RBFOX1: variants seen among roughly 807,000 people sequenced by gnomAD.
RBFOX1 encodes the protein RNA binding fox-1 homolog 1.
RBFOX1 carries 8 observed loss-of-function variants against 57.7 expected under a neutral mutation model. The observed-to-expected ratio is 0.14, with a 90% CI of 0.08 to 0.25. The LOEUF is 0.25. RBFOX1 is among the 10% of genes least tolerant of loss of function. The pLI, the probability that RBFOX1 is intolerant of heterozygous loss-of-function variation, is 1.00. For synonymous variants in RBFOX1, 326 were observed against 222.4 expected (o/e 1.47, Z -4.15); for missense variants, 611 against 548.5 (o/e 1.11, Z -1.14).
At chr16:6,824,465 A>T (rs1333012960) in intron 3 of RBFOX1, among the ~76,000 whole-genome samples, 1 of 152,196 alleles carries the variant, frequency 6.6e-6, no homozygotes, top group Non-Finnish European at 1.5e-5. Flanking sequence ...TATTGCTTTA[A>T]ATAGAAAATG....
intron 10 of RBFOX1, among the ~76,000 whole-genome samples, chr16:7,610,242 C>G (rs2057215269): frequency 6.6e-6 from 1 of 150,468 alleles, no homozygotes; most frequent in African/African-American, 2.5e-5. Context: ...GCCTTAGCCT[C>G]TCGAGTAGAT....
intron 1 of RBFOX1, among the ~76,000 whole-genome samples, chr16:6,314,252 C>G (rs527612569): frequency 6.6e-6 from 1 of 152,168 alleles, no homozygotes; most frequent in Non-Finnish European, 1.5e-5. Flanking sequence ...GTGAGCAGTA[C>G]ATAAGGGGCC....
At chr16:5,814,124 C>T (rs946997754) in intron 3 of RBFOX1, among the ~76,000 whole-genome samples, 5 of 152,088 alleles carry the variant, frequency 3.3e-5, no homozygotes, top group African/African-American at 9.7e-5. Context: ...CAAGATGGTA[C>T]CTTCCCCTCT....
At chr16:5,480,453 A>G (rs2069493249) in intron 2 of RBFOX1, among the ~76,000 whole-genome samples, 1 of 152,226 alleles carries the variant, frequency 6.6e-6, no homozygotes, top group African/African-American at 2.4e-5. Context: ...GAAGAAAATA[A>G]AAAATGTTCC....
intron 1 of RBFOX1, among the ~76,000 whole-genome samples, chr16:6,299,819 T>A (rs2078595598): frequency 6.6e-6 from 1 of 152,130 alleles, no homozygotes. Context: ...CGGGGTTCAG[T>A]TTCCTCAATG....
intron 4 of RBFOX1, among the ~76,000 whole-genome samples, chr16:7,298,929 C>G (rs1287025513): frequency 1.3e-5 from 2 of 152,108 alleles, no homozygotes; most frequent in East Asian, 3.9e-4. Flanking sequence ...ATATGTGGTC[C>G]TGTATAGTTC....
chr16:5,709,220 G>T (rs1465297065), intron 3 of RBFOX1, among the ~76,000 whole-genome samples: 1 of 152,176 alleles, frequency 6.6e-6, no homozygotes, highest in Admixed American at 6.5e-5. Flanking sequence ...TGATGGCTTT[G>T]TGTAATCAGT....
rs184626759 is a variant in RBFOX1 at position 6,255,505 on chromosome 16, C to A, written c.-126-61490C>A. Among the ~76,000 whole-genome samples, 461 of 152,194 alleles carry A rather than the reference C, an allele frequency of 3.0e-3. 2 individuals carry two copies. The highest frequency in any genetic ancestry group is 0.01 in the African/African-American group (432 of 41,530). ...ATGAGTGCATGCATGGTGATTTTGA[C>A]TATAAGACCCAAGAGGACCCCTCCT... On this transcript the variant is annotated intron_variant, in intron 1 of 15. Transcript: ENST00000550418.
chr16:5,556,627 C>G (rs571576497), intron 2 of RBFOX1, among the ~76,000 whole-genome samples: 6 of 152,370 alleles, frequency 3.9e-5, no homozygotes, highest in African/African-American at 1.4e-4. Flanking sequence ...AACCCTCTCC[C>G]TCTTGGGAGA....
At chr16:7,114,491 C>A (rs933149038) in intron 4 of RBFOX1, among the ~76,000 whole-genome samples, 3 of 152,170 alleles carry the variant, frequency 2.0e-5, no homozygotes, top group African/African-American at 7.2e-5. Flanking sequence ...AAGAAGCACT[C>A]AAGCACTGTG....
chr16:5,400,666 A>ATT (rs145014186), intron 1 of RBFOX1, among the ~76,000 whole-genome samples: 1 of 149,934 alleles, frequency 6.7e-6, no homozygotes, highest in African/African-American at 2.4e-5. Context: ...GGCATGATTG[A>ATT]TTTTTTTTTT....
chr16:6,932,267 C>T (rs1222596741), intron 3 of RBFOX1, among the ~76,000 whole-genome samples: 1 of 152,104 alleles, frequency 6.6e-6, no homozygotes, highest in African/African-American at 2.4e-5. Flanking sequence ...CCACACCTGG[C>T]TAATTTTTTT....
chr16:5,741,961 A>G (rs1451645981), intron 3 of RBFOX1, among the ~76,000 whole-genome samples: 4 of 152,364 alleles, frequency 2.6e-5, no homozygotes, highest in African/African-American at 9.6e-5. Context: ...TAATGCTATC[A>G]TTGACTAGAA....
intron 1 of RBFOX1, among the ~76,000 whole-genome samples, chr16:6,192,682 C>T (rs189487723): frequency 2.6e-4 from 40 of 152,274 alleles, no homozygotes; most frequent in African/African-American, 8.2e-4. Context: ...GTGCTCTAGA[C>T]GCTCTGTGTC....
At chr16:6,815,271 G>T (rs1457366753) in intron 3 of RBFOX1, among the ~76,000 whole-genome samples, 1 of 152,102 alleles carries the variant, frequency 6.6e-6, no homozygotes, top group Non-Finnish European at 1.5e-5. Flanking sequence ...GTGGGTTTTG[G>T]CCGACTTCTT....
intron 4 of RBFOX1, among the ~76,000 whole-genome samples, chr16:7,424,422 G>T (rs992928782): frequency 1.3e-5 from 2 of 152,132 alleles, no homozygotes; most frequent in African/African-American, 4.8e-5. Flanking sequence ...ATCACACCCA[G>T]CTACTTTTTG....
chr16:6,146,337 G>T (rs145571712), intron 1 of RBFOX1, among the ~76,000 whole-genome samples: 1 of 152,304 alleles, frequency 6.6e-6, no homozygotes, highest in African/African-American at 2.4e-5. Context: ...TTCAATGGGT[G>T]ATAATGGAAA....
intron 10 of RBFOX1, among the ~76,000 whole-genome samples, chr16:7,624,369 T>C (rs557367558): frequency 6.6e-6 from 1 of 152,256 alleles, no homozygotes; most frequent in Admixed American, 6.5e-5. Flanking sequence ...ATTATACTTA[T>C]CTTAGTGAGC....
chr16:7,268,641 T>G (rs2095239252), intron 4 of RBFOX1, among the ~76,000 whole-genome samples: 1 of 152,212 alleles, frequency 6.6e-6, no homozygotes, highest in Non-Finnish European at 1.5e-5. Context: ...GTTCTTTTAG[T>G]TGAGCTTGTG....
Sources: allele counts gnomAD v4.1 joint callset (sites outside exome capture counted in the v4.1 genomes callset), GRCh38; gene constraint gnomAD v4.1.1; transcripts MANE v1.5; gene names NCBI Gene and HGNC (gene_info 2026-07-23, HGNC 2026-07-21).